The following KLK15 variants were observed in gnomAD, a reference collection of about 807,000 sequenced individuals.
KLK15 encodes kallikrein-15.
A neutral mutation model predicts 21.1 loss-of-function variants in KLK15; 19 were observed. The observed-to-expected ratio is 0.90, with a 90% CI of 0.63 to 1.32. The LOEUF is 1.32. Ranked by LOEUF, KLK15 falls within the 40% of genes most tolerant of loss-of-function variation. KLK15 has a pLI of 0.00. For missense variants in KLK15, 345 were observed against 348.6 expected (o/e 0.99, Z 0.08); for synonymous variants, 141 against 141.5 (o/e 1.00, Z 0.03).
chr19:50,827,076 G>A, exon 3 of KLK15: 2 of 1,606,430 alleles, frequency 1.2e-6, no homozygotes, highest in Non-Finnish European at 1.7e-6. Flanking sequence ...TAGCGCGGGT[G>A]TGGAATGACC....
At chr19:50,826,115 AC>A in intron 4 of KLK15, 167 bp from the exon 6 acceptor site, 1 of 602,006 alleles carries the variant, frequency 1.7e-6, no homozygotes, top group African/African-American at 1.9e-5. Flanking sequence ...AGCCAACCCA[AC>A]CCCAACCCCA....
Position 50,831,434 on chromosome 19 carries a change from C to T in KLK15, c.43+16G>A. ...CCTGCTCCCACAGACCTGGCCCCCT[C>T]CTGGGGCCACCTCACCTGTGGATGC... On this transcript the variant is annotated intron_variant, in intron 1 of 4. Transcript: ENST00000598239. 1 of 1,418,390 alleles carries T rather than the reference C, an allele frequency of 7.1e-7. No individual in the cohort carries two copies. 87.9% of individuals were successfully genotyped at this position (1,418,390 alleles called of 1,614,324 possible). A position where few individuals can be genotyped will look rare whatever the true frequency, so the allele number is the denominator to read the frequency against.
At chr19:50,832,322 C>CTTTTTTTTTTTTTT (rs773163899), upstream of KLK15, among the ~76,000 whole-genome samples, 66 of 109,404 alleles carry the variant, frequency 6.0e-4, no homozygotes, top group South Asian at 8.9e-4. Context: ...CTTTTTTTTT[C>CTTTTTTTTTTTTTT]TTTTTTTTTT....
intron 4 of KLK15, 169 bp downstream of exon 5, chr19:50,826,452 T>C: frequency 2.8e-6 from 2 of 717,328 alleles, no homozygotes; most frequent in East Asian, 2.9e-5. Context: ...TCCCCACCTA[T>C]AACCCCAACT....
intron 1 of KLK15, 188 bp downstream of exon 2, chr19:50,831,262 C>A (rs1258784188): frequency 7.1e-6 from 3 of 424,250 alleles, no homozygotes; most frequent in Non-Finnish European, 8.2e-6. Context: ...GGCAACATAG[C>A]GACTCCAGAG....
At chr19:50,826,736 T>C in exon 4 of KLK15, 2 of 1,613,408 alleles carry the variant, frequency 1.2e-6, no homozygotes, top group Non-Finnish European at 1.7e-6. Flanking sequence ...GTTGGCACAA[T>C]GCAACGTATC....
exon 5 of KLK15, chr19:50,825,902 A>C: frequency 1.2e-5 from 19 of 1,613,950 alleles, no homozygotes; most frequent in Non-Finnish European, 1.5e-5. Context: ...CCAGGACACA[A>C]TGCCCTGCAG....
chr19:50,832,326 T>TTTC (rs1568487528), upstream of KLK15, among the ~76,000 whole-genome samples: 15 of 61,116 alleles, frequency 2.5e-4, no homozygotes, highest in Non-Finnish European at 3.4e-4. Flanking sequence ...TTTTTTCTTT[T>TTTC]TTTTTTTTTT....
chr19:50,831,422 A>C, intron 1 of KLK15, 28 bp downstream of exon 2: 2 of 1,409,426 alleles, frequency 1.4e-6, no homozygotes, highest in South Asian at 1.6e-5. Context: ...GCTCCCACAG[A>C]CCTGGCCCCC....
chr19:50,828,380 GAGACAGGGGCACTGGATACAGGTTC>G (rs2089922616), intron 1 of KLK15, among the ~76,000 whole-genome samples: 1 of 151,614 alleles, frequency 6.6e-6, no homozygotes, highest in South Asian at 2.1e-4. Context: ...GTTGGGGGTG[GAGACAGGGGCACTGGATACAGGTTC>G]AGACAGGTGG....
intron 4 of KLK15, chr19:50,826,234 C>A: frequency 2.1e-6 from 1 of 471,570 alleles, no homozygotes; most frequent in East Asian, 3.4e-5. Context: ...AGCCCACATC[C>A]TCACCATTCA....
chr19:50,826,838 T>C, intron 3 of KLK15, 40 bp downstream of exon 4: 1 of 1,559,152 alleles, frequency 6.4e-7, no homozygotes, highest in Non-Finnish European at 8.7e-7. Flanking sequence ...GAGCATAGGA[T>C]TCCTTGAGGC....
exon 1 of KLK15, chr19:50,831,472 G>C: frequency 2.8e-6 from 4 of 1,449,270 alleles, no homozygotes; most frequent in Non-Finnish European, 2.7e-6. Flanking sequence ...GCAGGAAGGA[G>C]AGAGTGAGGA....
upstream of KLK15, among the ~76,000 whole-genome samples, chr19:50,832,322 C>CTTTTTTTTTTTTTTTTTTTTTT (rs773163899): frequency 9.1e-6 from 1 of 109,440 alleles, no homozygotes; most frequent in Non-Finnish European, 1.9e-5. Context: ...CTTTTTTTTT[C>CTTTTTTTTTTTTTTTTTTTTTT]TTTTTTTTTT....
exon 1 of KLK15, chr19:50,831,511 G>C (rs1385899232): frequency 6.9e-7 from 1 of 1,458,454 alleles, no homozygotes; most frequent in Admixed American, 3.3e-5. Flanking sequence ...AGGGACCAGG[G>C]TTCGGCTGCA....
At chr19:50,827,192 G>A (rs1490917972) in intron 2 of KLK15, 31 bp from the exon 4 acceptor site, 1 of 1,554,666 alleles carries the variant, frequency 6.4e-7, no homozygotes, top group South Asian at 1.2e-5. Context: ...CCCGCCAGTG[G>A]AGTGCGGGCC....
intron 1 of KLK15, 22 bp downstream of exon 2, chr19:50,831,428 C>G: frequency 7.1e-7 from 1 of 1,413,342 alleles, no homozygotes. Context: ...ACAGACCTGG[C>G]CCCCTCCTGG....
At chr19:50,826,528 C>T in intron 4 of KLK15, 93 bp downstream of exon 5, 1 of 1,433,646 alleles carries the variant, frequency 7.0e-7, no homozygotes. Context: ...AGCATCTTCT[C>T]TGGCCCAAAG....
At chr19:50,830,541 G>A (rs1309460733) in intron 1 of KLK15, 3 of 146,930 alleles carry the variant, frequency 2.0e-5, no homozygotes, top group Non-Finnish European at 4.6e-5. Flanking sequence ...CCCCAGCTGG[G>A]CGCAGCAGGC....
Sources: allele counts gnomAD v4.1 joint callset (sites outside exome capture counted in the v4.1 genomes callset), GRCh38; gene constraint gnomAD v4.1.1; transcripts MANE v1.5; gene names NCBI Gene and HGNC (gene_info 2026-07-23, HGNC 2026-07-21).